Variants in BBX observed in about 807,000 individuals in gnomAD.
BBX encodes HMG box transcription factor BBX.
BBX carries 30 observed loss-of-function variants against 100.2 expected under a neutral mutation model. The ratio of observed to expected loss-of-function variants is 0.30; its 90% confidence interval spans 0.22 to 0.41. The LOEUF (loss-of-function observed/expected upper bound fraction) is 0.41, where lower values mean the gene tolerates loss of function less well. Ranked by LOEUF, BBX falls within the 10% of genes least tolerant of loss-of-function variation. The probability of loss-of-function intolerance (pLI) is 1.00; values close to 1 mark genes in which losing one functional copy is unlikely to be tolerated. For missense variants in BBX, 1,023 were observed against 1,129.8 expected (o/e 0.91, Z 1.35); for synonymous variants, 376 against 388.1 (o/e 0.97, Z 0.37).
chr3:107,779,333 C>A (rs2067635067), intron 13 of BBX, among the ~76,000 whole-genome samples: 1 of 151,862 alleles, frequency 6.6e-6, no homozygotes, highest in African/African-American at 2.4e-5. Context: ...CCCAAAATGG[C>A]AATATTGCTT....
chr3:107,656,694 A>G (rs1263950144), intron 3 of BBX, among the ~76,000 whole-genome samples: 2 of 152,170 alleles, frequency 1.3e-5, no homozygotes, highest in African/African-American at 4.8e-5. Flanking sequence ...GTTTTCTTTA[A>G]AGATAAATAA....
rs2058162395 is a variant in BBX at position 107,656,660 on chromosome 3, G to A, written c.-10+10751G>A. On this transcript the variant is annotated intron_variant, in intron 3 of 17. Coordinates refer to ENST00000325805, the MANE Select transcript of BBX (RefSeq NM_001142568.3). ...TGTTTCTTTTTAGAACCTGAACAAC[G>A]TATAGTGGTCTCACTGGAAAAATGT... Among the ~76,000 whole-genome samples, 4 of 152,052 alleles carry A rather than the reference G, an allele frequency of 2.6e-5. No individual in the cohort carries two copies. The South Asian group carries it at 8.3e-4, about 31-fold the overall frequency.
intron 3 of BBX, among the ~76,000 whole-genome samples, chr3:107,668,200 C>T (rs981622157): frequency 5.9e-5 from 9 of 152,188 alleles, no homozygotes; most frequent in Admixed American, 5.2e-4. Context: ...TTCTTCTATG[C>T]AAGTGCCAAA....
At chr3:107,525,060 G>A (rs1354713020) in intron 1 of BBX, among the ~76,000 whole-genome samples, 7 of 148,540 alleles carry the variant, frequency 4.7e-5, no homozygotes, top group Non-Finnish European at 9.0e-5. Flanking sequence ...CGGCGTGGGG[G>A]CCCCCACGCG....
chr3:107,673,702 G>GT lies in BBX; in HGVS notation c.-10+27802dup, dbSNP rs946269564. Among the ~76,000 whole-genome samples, 21 of 151,328 alleles carry GT rather than the reference G, an allele frequency of 1.4e-4. 1 individual carries two copies. The highest frequency in any genetic ancestry group is 6.8e-3 in the Middle Eastern group (2 of 292). ...ATTATTATAGTAAGACCCACTTCAA[G>GT]TTTTTTTTTAGAAATTTCTCTTATT... is the stretch of plus-strand genomic sequence containing the variant. On this transcript the variant is annotated intron_variant, in intron 3 of 17. Transcript: ENST00000325805.
chr3:107,686,527 T>A (rs2059858614), intron 3 of BBX, among the ~76,000 whole-genome samples: 1 of 152,118 alleles, frequency 6.6e-6, no homozygotes, highest in Admixed American at 6.6e-5. Flanking sequence ...ATAGTTGAAA[T>A]AGTGACAGTA....
intron 2 of BBX, among the ~76,000 whole-genome samples, chr3:107,599,949 G>A (rs918603040): frequency 1.8e-4 from 28 of 152,212 alleles, no homozygotes; most frequent in African/African-American, 6.3e-4. Flanking sequence ...TAGCCTAGAA[G>A]CTTCAGATTC....
intron 2 of BBX, among the ~76,000 whole-genome samples, chr3:107,560,451 G>C (rs1327525235): frequency 6.6e-6 from 1 of 152,208 alleles, no homozygotes; most frequent in African/African-American, 2.4e-5. Context: ...GTGAGAATAA[G>C]ATTTCTTTCT....
intron 5 of BBX, among the ~76,000 whole-genome samples, chr3:107,722,216 T>A (rs73850135): frequency 0.017 from 2,658 of 152,068 alleles, 75 homozygotes; most frequent in African/African-American, 0.061. Context: ...TCAAATAAAT[T>A]TATAAAGACT....
intron 7 of BBX, among the ~76,000 whole-genome samples, chr3:107,741,808 C>A (rs2064132037): frequency 6.6e-6 from 1 of 152,144 alleles, no homozygotes; most frequent in African/African-American, 2.4e-5. Flanking sequence ...TGAATAATGA[C>A]ATTACTCAAA....
intron 17 of BBX, among the ~76,000 whole-genome samples, chr3:107,803,481 G>A (rs761484866): frequency 5.3e-5 from 8 of 152,134 alleles, no homozygotes; most frequent in Non-Finnish European, 1.0e-4. Flanking sequence ...GGAGTTAGGG[G>A]TGGAAATATA....
intron 2 of BBX, among the ~76,000 whole-genome samples, chr3:107,535,435 C>T (rs918309604): frequency 6.6e-6 from 1 of 151,626 alleles, no homozygotes; most frequent in African/African-American, 2.4e-5. Flanking sequence ...GTTTAGTCAG[C>T]TTTCTTTCTA....
chr3:107,790,956 C>A (rs2068955839), intron 14 of BBX, among the ~76,000 whole-genome samples: 2 of 152,068 alleles, frequency 1.3e-5, no homozygotes, highest in South Asian at 4.2e-4. Context: ...CAGCTTTTTT[C>A]ATTCCGTTTT....
At chr3:107,794,798 TC>T (rs747897353) in intron 15 of BBX, among the ~76,000 whole-genome samples, 1 of 152,190 alleles carries the variant, frequency 6.6e-6, no homozygotes, top group African/African-American at 2.4e-5. Context: ...AATTCATGAC[TC>T]TGGAGCACTC....
chr3:107,639,658 C>G (rs1187140793), intron 2 of BBX, among the ~76,000 whole-genome samples: 1 of 152,126 alleles, frequency 6.6e-6, no homozygotes, highest in African/African-American at 2.4e-5. Context: ...ATGCCTACTC[C>G]TTTTACTTCT....
At chr3:107,797,907 A>T (rs2069918899) in intron 15 of BBX, among the ~76,000 whole-genome samples, 1 of 152,222 alleles carries the variant, frequency 6.6e-6, no homozygotes, top group South Asian at 2.1e-4. Flanking sequence ...CACTAAGTGT[A>T]TTCCTTGTTT....
chr3:107,541,513 G>A (rs1313633587), intron 2 of BBX, among the ~76,000 whole-genome samples: 3 of 152,162 alleles, frequency 2.0e-5, no homozygotes, highest in Admixed American at 6.5e-5. Flanking sequence ...CTAAAATTAT[G>A]TAGAAAGACT....
chr3:107,641,285 A>G (rs2057193234), intron 2 of BBX, among the ~76,000 whole-genome samples: 1 of 152,046 alleles, frequency 6.6e-6, no homozygotes, highest in Non-Finnish European at 1.5e-5. Flanking sequence ...GAGTTTCACC[A>G]TGATGCCTGG....
chr3:107,800,922 G>C (rs1418721277), intron 16 of BBX, among the ~76,000 whole-genome samples, 173 bp from the exon 17 acceptor site: 1 of 152,182 alleles, frequency 6.6e-6, no homozygotes, highest in Non-Finnish European at 1.5e-5. Flanking sequence ...TAATAAAAGA[G>C]CTTTGTTACT....
Sources: gnomAD v4.1 joint callset for allele counts (sites outside exome capture counted in the v4.1 genomes callset) on GRCh38, gnomAD v4.1.1 for gene constraint, MANE v1.5 for transcripts, NCBI Gene and HGNC (gene_info 2026-07-23, HGNC 2026-07-21) for gene names.